The following MYO5A variants were observed in gnomAD, a reference collection of about 807,000 sequenced individuals.
MYO5A encodes the protein unconventional myosin-Va.
Under a neutral mutation model 249.7 loss-of-function variants are expected in MYO5A, and 98 were observed. That is an observed-to-expected ratio of 0.39 (90% CI 0.33 to 0.46). The LOEUF (loss-of-function observed/expected upper bound fraction) is 0.46. Among genes scored for constraint, MYO5A ranks in the 20% least tolerant of loss-of-function variants. The probability of loss-of-function intolerance (pLI) is 0.98; values close to 1 mark genes in which losing one functional copy is unlikely to be tolerated. For synonymous variants in MYO5A, 778 were observed against 810.6 expected (o/e 0.96, Z 0.68); for missense variants, 1,696 against 2,308.8 (o/e 0.73, Z 5.44).
At chr15:52,468,713 T>G (rs1022371847) in intron 1 of MYO5A, among the ~76,000 whole-genome samples, 4 of 152,154 alleles carry the variant, frequency 2.6e-5, no homozygotes, top group Non-Finnish European at 4.4e-5. Flanking sequence ...CAAATTAAAT[T>G]TGAAAATATT....
At chr15:52,479,461 A>G (rs4776048) in intron 1 of MYO5A, among the ~76,000 whole-genome samples, 22,839 of 152,096 alleles carry the variant, frequency 0.15, 1,829 homozygotes, top group Middle Eastern at 0.22. Context: ...AAATTTTCCA[A>G]TATATTTATT....
chr15:52,366,691 C>T (rs1596351390), intron 23 of MYO5A, among the ~76,000 whole-genome samples: 1 of 142,132 alleles, frequency 7.0e-6, no homozygotes, highest in East Asian at 2.2e-4. Context: ...CATATCAGCT[C>T]AAAAATTCTT....
At chr15:52,522,412 G>A (rs565813398) in intron 1 of MYO5A, among the ~76,000 whole-genome samples, 14 of 152,284 alleles carry the variant, frequency 9.2e-5, no homozygotes, top group African/African-American at 3.1e-4. Flanking sequence ...TCCCTAGGAA[G>A]ATAAATAGAA....
Position 52,416,276 on chromosome 15 carries a change from C to A in MYO5A, c.481G>T (p.Val161Leu). The A allele has an allele frequency of 6.2e-7, 1 of 1,613,954 alleles. No individual in the cohort carries two copies. Among genetic ancestry groups the A allele is most frequent in the Non-Finnish European group, 8.5e-7 (1 of 1,179,940 alleles). The change falls in exon 5 of 42, where the codon GTA becomes TTA. Residue 161 changes from valine (V) to leucine (L), a missense_variant. Around this residue, in one of 5 missense-constraint regions of MYO5A, gnomAD observed 197 missense variants for 320.3 expected, o/e 0.62. Coordinates refer to ENST00000399233, the MANE Select transcript of MYO5A (RefSeq NM_001382347.1). The stretch of plus-strand genomic sequence containing the variant: ...TTTCCTGCCCCAGACTCTCCACTTA[C>A]GATGATGGACTGATTTCGTTCATCT... ...ARDERNQSII[V>L]SGESGAGKTV...
chr15:52,434,705 T>G (rs2075623396), intron 1 of MYO5A, among the ~76,000 whole-genome samples: 1 of 152,236 alleles, frequency 6.6e-6, no homozygotes, highest in Admixed American at 6.5e-5. Context: ...ATTGAAGAAG[T>G]GTTTTTATGT....
intron 1 of MYO5A, among the ~76,000 whole-genome samples, chr15:52,440,200 T>C (rs1045290447): frequency 6.6e-6 from 1 of 151,934 alleles, no homozygotes; most frequent in African/African-American, 2.4e-5. Context: ...GCACTGCCCT[T>C]GCACCTCCTT....
At chr15:52,318,915 C>G (rs551298909) in intron 39 of MYO5A, 145 bp downstream of exon 39, 33 of 1,020,180 alleles carry the variant, frequency 3.2e-5, no homozygotes, top group Admixed American at 2.2e-4. Context: ...GAAAGTGGCT[C>G]CGTGCCAGTT....
chr15:52,313,806 C>T lies in MYO5A; in HGVS notation c.5533G>A (p.Asp1845Asn). 1 of 1,614,040 alleles carries T rather than the reference C, an allele frequency of 6.2e-7. No homozygotes were observed. The highest frequency in any genetic ancestry group is 8.5e-7 in the Non-Finnish European group (1 of 1,179,968). The change falls in exon 42 of 42, where the codon GAT becomes AAT. Residue 1845 changes from aspartate to asparagine, a missense_variant. Transcript: ENST00000399233. ...GTGACAGGAAAGATGTGTTTAGCATCCATGAGCAGCTGGGGAGAGTCTTTC... is the reference window on the plus strand; with the variant it reads ...GTGACAGGAAAGATGTGTTTAGCATTCATGAGCAGCTGGGGAGAGTCTTTC... ...DRKDSPQLLM[D>N]AKHIFPVTFP...
chr15:52,341,380 A>C (rs1481703059), intron 31 of MYO5A, among the ~76,000 whole-genome samples: 4 of 152,236 alleles, frequency 2.6e-5, no homozygotes, highest in African/African-American at 7.2e-5. Context: ...CACAAATATT[A>C]ATAGGACCAA....
intron 21 of MYO5A, among the ~76,000 whole-genome samples, chr15:52,371,612 G>T (rs2041118941): frequency 6.6e-6 from 1 of 152,058 alleles, no homozygotes; most frequent in Non-Finnish European, 1.5e-5. Context: ...TTCCTGCCAG[G>T]CATGGTAGCT....
At chr15:52,370,143 G>C (rs781089637) in intron 22 of MYO5A, 26 bp downstream of exon 22, 1 of 1,613,532 alleles carries the variant, frequency 6.2e-7, no homozygotes, top group Non-Finnish European at 8.5e-7. Context: ...GTACGGAGTA[G>C]ATGGGGATAT....
chr15:52,477,549 C>T (rs1168025497), intron 1 of MYO5A, among the ~76,000 whole-genome samples: 1 of 152,142 alleles, frequency 6.6e-6, no homozygotes, highest in Non-Finnish European at 1.5e-5. Context: ...GTTTTATCTA[C>T]CTTTGGTCTT....
chr15:52,480,897 G>A (rs1323030640), intron 1 of MYO5A, among the ~76,000 whole-genome samples: 1 of 152,112 alleles, frequency 6.6e-6, no homozygotes, highest in African/African-American at 2.4e-5. Context: ...CATTTAACAA[G>A]TACTTACTGA....
At chr15:52,505,155 C>A in intron 1 of MYO5A, 1 of 723,164 alleles carries the variant, frequency 1.4e-6, no homozygotes. Context: ...GCCCTCAATT[C>A]GTACATGGAG....
chr15:52,408,454 T>C (rs1314700440), intron 6 of MYO5A, among the ~76,000 whole-genome samples: 1 of 152,110 alleles, frequency 6.6e-6, no homozygotes, highest in Non-Finnish European at 1.5e-5. Flanking sequence ...AAATCATTTT[T>C]TTTTTGCAAT....
At chr15:52,429,795 G>T (rs763667981) in intron 2 of MYO5A, among the ~76,000 whole-genome samples, 2 of 152,138 alleles carry the variant, frequency 1.3e-5, no homozygotes, top group Admixed American at 6.5e-5. Flanking sequence ...ATAGAGATGG[G>T]GGTCTCACTA....
In MYO5A at chr15:52,372,141, G is replaced by A. The variant is rs772551610; in HGVS notation, c.2800C>T (p.Arg934Cys). 2.5e-5 allele frequency: 41 copies of A among 1,613,500 alleles called. No individual in the cohort carries two copies. The highest frequency in any genetic ancestry group is 2.9e-5 in the Non-Finnish European group (34 of 1,180,000). The change falls in exon 21 of 42, where the codon CGC becomes TGC. Residue 934 changes from arginine (R) to cysteine (C), a missense_variant. Coordinates refer to ENST00000399233, the MANE Select transcript of MYO5A (RefSeq NM_001382347.1). Reference sequence around the variant, plus strand: ...AAACACACCTGCTCATCAACTTTGCGCTGCAGCTGCATGATCTTGTTCTCC... The same window carrying A: ...AAACACACCTGCTCATCAACTTTGCACTGCAGCTGCATGATCTTGTTCTCC... ...GMENKIMQLQ[R>C]KVDEQNKDYK...
intron 11 of MYO5A, among the ~76,000 whole-genome samples, chr15:52,395,245 CA>C (rs1299115382): frequency 6.6e-6 from 1 of 152,130 alleles, no homozygotes; most frequent in Non-Finnish European, 1.5e-5. Flanking sequence ...CGTTATGACA[CA>C]AACAAGGCTA....
intron 34 of MYO5A, among the ~76,000 whole-genome samples, chr15:52,335,611 A>G (rs1404962811): frequency 6.6e-6 from 1 of 152,052 alleles, no homozygotes; most frequent in Non-Finnish European, 1.5e-5. Flanking sequence ...AAACACATAA[A>G]CACACTAATA....
Sources: allele counts gnomAD v4.1 joint callset (sites outside exome capture counted in the v4.1 genomes callset), GRCh38; gene constraint gnomAD v4.1.1; regional missense constraint gnomAD v4.1.1; transcripts MANE v1.5; gene names NCBI Gene and HGNC (gene_info 2026-07-23, HGNC 2026-07-21).